KCTD16: variants seen among roughly 807,000 people sequenced by gnomAD.
KCTD16 encodes potassium channel tetramerization domain containing 16.
KCTD16 carries 13 observed loss-of-function variants against 33.2 expected under a neutral mutation model. The observed-to-expected ratio is 0.39, with a 90% CI of 0.25 to 0.62. The LOEUF is 0.62. Among genes scored for constraint, KCTD16 ranks in the 20% least tolerant of loss-of-function variants. The pLI is 0.50. For missense variants in KCTD16, 441 were observed against 525.1 expected (o/e 0.84, Z 1.57); for synonymous variants, 197 against 195.3 (o/e 1.01, Z -0.07).
chr5:144,389,704 C>T (rs1429070429), intron 3 of KCTD16, among the ~76,000 whole-genome samples: 1 of 152,096 alleles, frequency 6.6e-6, no homozygotes, highest in East Asian at 1.9e-4. Context: ...GAAACCAGTC[C>T]CCTGTGCCAA....
At chr5:144,452,425 AT>A (rs1292201258) in intron 3 of KCTD16, among the ~76,000 whole-genome samples, 1 of 152,066 alleles carries the variant, frequency 6.6e-6, no homozygotes, top group East Asian at 1.9e-4. Context: ...GGGATTGTGA[AT>A]CACATCGAAC....
Position 144,350,291 on chromosome 5 carries a change from A to T in KCTD16, c.833-123369A>T, listed in dbSNP as rs12516630. Among the ~76,000 whole-genome samples, 419 of 152,294 alleles carry T rather than the reference A, an allele frequency of 2.8e-3. 13 individuals carry two copies. The highest frequency in any genetic ancestry group is 0.025 in the Admixed American group (379 of 15,296). The stretch of plus-strand genomic sequence containing the variant: ...AAAAAAATTAATTACTTTCCAGGGC[A>T]GGGAGTCCAGAACTGCAAACACAAG... On this transcript the variant is annotated intron_variant, in intron 3 of 3. Transcript: ENST00000512467.
intron 3 of KCTD16, among the ~76,000 whole-genome samples, chr5:144,348,071 T>C (rs1483349105): frequency 3.3e-5 from 5 of 152,314 alleles, no homozygotes; most frequent in Non-Finnish European, 5.9e-5. Context: ...ATAACTTACT[T>C]CCACTCTTTG....
At chr5:144,180,929 T>C (rs180751108) in intron 2 of KCTD16, among the ~76,000 whole-genome samples, 4 of 152,074 alleles carry the variant, frequency 2.6e-5, no homozygotes, top group South Asian at 2.1e-4. Flanking sequence ...TGCAACTTTT[T>C]CTTTTTTCTT....
chr5:144,188,215 C>T (rs948056956), intron 2 of KCTD16, among the ~76,000 whole-genome samples: 1 of 152,042 alleles, frequency 6.6e-6, no homozygotes, highest in Admixed American at 6.6e-5. Flanking sequence ...TTAATGTGAT[C>T]CTTCTATGTG....
chr5:144,440,471 C>T (rs1296543030), intron 3 of KCTD16, among the ~76,000 whole-genome samples: 1 of 152,136 alleles, frequency 6.6e-6, no homozygotes, highest in Non-Finnish European at 1.5e-5. Flanking sequence ...AATTTCTTCA[C>T]ATCCTCATTA....
chr5:144,363,529 C>T (rs929821047), intron 3 of KCTD16, among the ~76,000 whole-genome samples: 1 of 151,668 alleles, frequency 6.6e-6, no homozygotes, highest in Non-Finnish European at 1.5e-5. Flanking sequence ...CTGCACCTGC[C>T]TCTTACTGTT....
chr5:144,302,972 G>A (rs1419346544), intron 3 of KCTD16, among the ~76,000 whole-genome samples: 1 of 152,184 alleles, frequency 6.6e-6, no homozygotes, highest in Non-Finnish European at 1.5e-5. Context: ...GTGGAATATG[G>A]AAATCATTTC....
At chr5:144,466,809 C>T (rs1008733994) in intron 3 of KCTD16, among the ~76,000 whole-genome samples, 4 of 151,122 alleles carry the variant, frequency 2.6e-5, no homozygotes, top group Non-Finnish European at 5.9e-5. Context: ...ATTACAAATT[C>T]ACCATTCACT....
intron 3 of KCTD16, among the ~76,000 whole-genome samples, chr5:144,472,059 C>T (rs893774675): frequency 2.0e-5 from 3 of 152,150 alleles, no homozygotes; most frequent in Non-Finnish European, 2.9e-5. Context: ...GTTTTCTCTA[C>T]TTTGACTATA....
intron 3 of KCTD16, among the ~76,000 whole-genome samples, chr5:144,435,406 A>G (rs1170538751): frequency 3.3e-5 from 5 of 152,218 alleles, no homozygotes; most frequent in African/African-American, 1.2e-4. Context: ...GGTTTTCCCT[A>G]CACCAGTTTA....
At chr5:144,219,362 C>T (rs1024377577) in intron 3 of KCTD16, among the ~76,000 whole-genome samples, 1 of 151,754 alleles carries the variant, frequency 6.6e-6, no homozygotes, top group Admixed American at 6.6e-5. Context: ...TACAGGCCCC[C>T]GCCACTGCGT....
At chr5:144,185,557 C>G (rs751055372) in intron 2 of KCTD16, among the ~76,000 whole-genome samples, 2 of 151,982 alleles carry the variant, frequency 1.3e-5, no homozygotes, top group Non-Finnish European at 2.9e-5. Flanking sequence ...AATGCTGTGA[C>G]CAGTCTACCC....
chr5:144,211,073 T>C (rs998808982), intron 3 of KCTD16, among the ~76,000 whole-genome samples: 1 of 152,152 alleles, frequency 6.6e-6, no homozygotes, highest in African/African-American at 2.4e-5. Flanking sequence ...TAGAGTTGCT[T>C]CCACAGAAGT....
chr5:144,473,302 G>T (rs1329234138), intron 3 of KCTD16, among the ~76,000 whole-genome samples: 1 of 152,128 alleles, frequency 6.6e-6, no homozygotes, highest in Non-Finnish European at 1.5e-5. Context: ...CAGATAGTAG[G>T]AAAATTATTA....
intron 2 of KCTD16, among the ~76,000 whole-genome samples, chr5:144,181,132 A>C (rs1178918082): frequency 6.6e-6 from 1 of 151,452 alleles, no homozygotes; most frequent in Non-Finnish European, 1.5e-5. Context: ...GCGGGGTTTC[A>C]CTGTGTTAGC....
chr5:144,377,942 A>G (rs1752129031), intron 3 of KCTD16: 2 of 152,162 alleles, frequency 1.3e-5, no homozygotes, highest in South Asian at 2.1e-4. Context: ...TTCCATTCCA[A>G]GTAAGGGAAA....
At chr5:144,243,786 C>T (rs941795477) in intron 3 of KCTD16, among the ~76,000 whole-genome samples, 1 of 152,014 alleles carries the variant, frequency 6.6e-6, no homozygotes, top group Non-Finnish European at 1.5e-5. Flanking sequence ...GTTCTGTCAC[C>T]AGGATGGAGT....
At chr5:144,188,020 T>C (rs1460991977) in intron 2 of KCTD16, among the ~76,000 whole-genome samples, 1 of 152,196 alleles carries the variant, frequency 6.6e-6, no homozygotes, top group Non-Finnish European at 1.5e-5. Context: ...CATAGTAGAC[T>C]GAAAAATTAT....
Sources: allele counts gnomAD v4.1 joint callset (sites outside exome capture counted in the v4.1 genomes callset), GRCh38; gene constraint gnomAD v4.1.1; transcripts MANE v1.5; gene names NCBI Gene and HGNC (gene_info 2026-07-23, HGNC 2026-07-21).